Variants in CNNM2 observed in about 807,000 individuals in gnomAD.
CNNM2 encodes the protein cyclin and CBS domain divalent metal cation transport mediator 2.
A neutral mutation model predicts 66.9 loss-of-function variants in CNNM2; 12 were observed. That is an observed-to-expected ratio of 0.18 (90% CI 0.11 to 0.29). CNNM2 has a LOEUF of 0.29. Ranked by LOEUF, CNNM2 falls within the 10% of genes least tolerant of loss-of-function variation. CNNM2 has a pLI of 1.00. For missense variants in CNNM2, 705 were observed against 1,167.7 expected, an observed-to-expected ratio of 0.60 and a Z score of 5.77; for synonymous variants, 557 against 501.8, an observed-to-expected ratio of 1.11 and a Z score of -1.47.
chr10:103,041,097 C>T (rs796293101), intron 1 of CNNM2, among the ~76,000 whole-genome samples: 2 of 152,050 alleles, frequency 1.3e-5, no homozygotes, highest in South Asian at 2.1e-4. Context: ...GGAGGGTGTT[C>T]GCCTTGGAGC....
At chr10:102,927,371 T>C (rs1245904859) in intron 1 of CNNM2, 8 of 1,613,910 alleles carry the variant, frequency 5.0e-6, no homozygotes, top group South Asian at 2.2e-5. Context: ...ACCCAAATCA[T>C]ACCAACACTG....
chr10:102,973,642 C>A (rs1486110106), intron 1 of CNNM2, among the ~76,000 whole-genome samples: 1 of 151,988 alleles, frequency 6.6e-6, no homozygotes, highest in East Asian at 1.9e-4. Context: ...CAGGCATGAG[C>A]CACTGTGCCT....
chr10:102,973,653 G>A (rs977647184), intron 1 of CNNM2, among the ~76,000 whole-genome samples: 5 of 151,932 alleles, frequency 3.3e-5, no homozygotes, highest in South Asian at 2.1e-4. Context: ...CACTGTGCCT[G>A]GCCTTATGCA....
intron 1 of CNNM2, among the ~76,000 whole-genome samples, chr10:102,977,161 A>T (rs1342600903): frequency 6.6e-6 from 1 of 152,190 alleles, no homozygotes. Flanking sequence ...CTGATGGCCC[A>T]ATTGTGACAA....
chr10:103,084,531 G>C lies in CNNM2; in HGVS notation c.*7351G>C, dbSNP rs1241890649. 6.6e-6 allele frequency: 1 copy of C among 152,188 alleles called. No homozygotes were observed. The highest frequency in any genetic ancestry group is 1.5e-5 in the Non-Finnish European group (1 of 68,024). The allele number at this position is 152,188 out of a possible 1,614,324, so 9.4% of individuals were successfully genotyped here. On this transcript the variant is annotated 3_prime_UTR_variant, in exon 8 of 8. Coordinates refer to ENST00000369878, the MANE Select transcript of CNNM2 (RefSeq NM_017649.5). ...GTAGCACATTCACTCCCAGCCTCCTGCCTTGGTTTGTTTTTCCTGTTTTAC... is the reference window on the plus strand; with the variant it reads ...GTAGCACATTCACTCCCAGCCTCCTCCCTTGGTTTGTTTTTCCTGTTTTAC...
Position 102,965,283 on chromosome 10 carries a change from T to C in CNNM2, c.1621+45182T>C, listed in dbSNP as rs571762771. Reference sequence around the variant, plus strand: ...AGGATCAGCAGTTAACAATGAACAGTTTAAAATGATCTCAGTATTCTTTCT... The same window carrying C: ...AGGATCAGCAGTTAACAATGAACAGCTTAAAATGATCTCAGTATTCTTTCT... On this transcript the variant is annotated intron_variant, in intron 1 of 7. Transcript: ENST00000369878. 3.9e-5 allele frequency among the ~76,000 whole-genome samples: 6 copies of C among 152,284 alleles called. No homozygotes were observed. In the East Asian group the frequency reaches 1.2e-3, roughly 29 times the overall value.
intron 1 of CNNM2, among the ~76,000 whole-genome samples, chr10:102,936,878 C>T (rs1248561566): frequency 1.3e-5 from 2 of 152,122 alleles, no homozygotes; most frequent in African/African-American, 4.8e-5. Context: ...AGTTTTGTAA[C>T]CTGAACCACT....
chr10:103,049,571 T>C (rs2065183008), intron 1 of CNNM2, 136 bp from the exon 2 acceptor site: 1 of 841,376 alleles, frequency 1.2e-6, no homozygotes, highest in Non-Finnish European at 1.9e-6. Context: ...GATGTCTCAG[T>C]ACCATTTTAA....
intron 2 of CNNM2, among the ~76,000 whole-genome samples, chr10:103,050,910 T>G (rs1448180986): frequency 2.0e-5 from 3 of 152,110 alleles, no homozygotes; most frequent in South Asian, 2.1e-4. Context: ...AGCTTAAATC[T>G]TCTTTGGCCA....
chr10:102,936,151 A>C (rs891008506), intron 1 of CNNM2, among the ~76,000 whole-genome samples: 2 of 152,062 alleles, frequency 1.3e-5, no homozygotes, highest in African/African-American at 4.8e-5. Flanking sequence ...GCCCATCTGC[A>C]ATCATAGAAA....
At chr10:103,056,453 G>T (rs1204035526) in intron 3 of CNNM2, among the ~76,000 whole-genome samples, 5 of 152,352 alleles carry the variant, frequency 3.3e-5, no homozygotes, top group African/African-American at 1.2e-4. Flanking sequence ...TTGGTCGACA[G>T]TCAGGCTGTT....
In CNNM2 at chr10:102,918,411, C is replaced by A; in HGVS notation, c.-70C>A. 1 of 1,551,624 alleles carries A rather than the reference C, an allele frequency of 6.4e-7. No individual in the cohort carries two copies. The highest frequency in any genetic ancestry group is 2.4e-5 in the East Asian group (1 of 42,074). On this transcript the variant is annotated 5_prime_UTR_variant, in exon 1 of 8. Coordinates refer to ENST00000369878, the MANE Select transcript of CNNM2 (RefSeq NM_017649.5). The surrounding 1 kb of genome is among the most constrained non-coding windows in gnomAD (Gnocchi z 4.1). ...CCGCGGACGCTCCGTTGCAGTCTCG[C>A]CCAGGGGCCGGTACCTGCGCTCGCG...
intron 1 of CNNM2, among the ~76,000 whole-genome samples, chr10:102,990,351 C>T (rs952705566): frequency 1.3e-5 from 2 of 152,050 alleles, no homozygotes; most frequent in African/African-American, 2.4e-5. Context: ...AATTATGTTA[C>T]TAGGGATGGG....
chr10:103,047,620 T>C (rs964599120), intron 1 of CNNM2, among the ~76,000 whole-genome samples: 2 of 152,234 alleles, frequency 1.3e-5, no homozygotes, highest in Non-Finnish European at 2.9e-5. Flanking sequence ...CTGTACTCTC[T>C]TTGCAACTTT....
intron 1 of CNNM2, among the ~76,000 whole-genome samples, chr10:103,046,776 A>G (rs990402519): frequency 3.3e-5 from 5 of 152,376 alleles, no homozygotes; most frequent in African/African-American, 1.2e-4. Context: ...TAGTTGAAGT[A>G]TATCAGGAGA....
chr10:103,017,053 G>A (rs976054728), intron 1 of CNNM2, among the ~76,000 whole-genome samples: 2 of 151,566 alleles, frequency 1.3e-5, no homozygotes, highest in African/African-American at 2.4e-5. Flanking sequence ...CAAGTCTGGT[G>A]TTAAGTTCTC....
chr10:103,017,578 A>G (rs1307755057), intron 1 of CNNM2, among the ~76,000 whole-genome samples: 2 of 152,186 alleles, frequency 1.3e-5, no homozygotes, highest in Non-Finnish European at 2.9e-5. Context: ...GAGTGTGAAC[A>G]TGTGAGGAAT....
chr10:102,926,126 G>A (rs914756022), intron 1 of CNNM2, among the ~76,000 whole-genome samples: 1 of 152,148 alleles, frequency 6.6e-6, no homozygotes, highest in Admixed American at 6.5e-5. Flanking sequence ...CCATGGAAAT[G>A]TTCATCAAAG....
chr10:103,075,187 A>G (rs1366795640), intron 6 of CNNM2, among the ~76,000 whole-genome samples: 1 of 152,204 alleles, frequency 6.6e-6, no homozygotes, highest in African/African-American at 2.4e-5. Flanking sequence ...ACACATTGCA[A>G]AGAGGAGCCA....
Sources: allele counts gnomAD v4.1 joint callset (sites outside exome capture counted in the v4.1 genomes callset), GRCh38; gene constraint gnomAD v4.1.1; non-coding constraint Gnocchi (gnomAD v3.1); transcripts MANE v1.5; gene names NCBI Gene and HGNC (gene_info 2026-07-23, HGNC 2026-07-21).